ACAD10: variants seen among roughly 807,000 people sequenced by gnomAD.
ACAD10 encodes acyl-CoA dehydrogenase family member 10, also known as ACAD-10.
In ACAD10, 112 loss-of-function variants were observed where a neutral mutation model predicts 116.8. That is an observed-to-expected ratio of 0.96 (90% CI 0.82 to 1.12). The LOEUF is 1.12. Ranked by LOEUF, ACAD10 falls within the 50% of genes most tolerant of loss-of-function variation. The probability of loss-of-function intolerance (pLI) is 0.00; values close to 1 mark genes in which losing one functional copy is unlikely to be tolerated. For synonymous variants in ACAD10, 486 were observed against 510.6 expected, an observed-to-expected ratio of 0.95 and a Z score of 0.65; for missense variants, 1,259 against 1,350.2, an observed-to-expected ratio of 0.93 and a Z score of 1.06.
chr12:111,701,044 C>G (rs1888335431), intron 2 of ACAD10, among the ~76,000 whole-genome samples: 1 of 152,028 alleles, frequency 6.6e-6, no homozygotes, highest in South Asian at 2.1e-4. Flanking sequence ...TAGGTGTGAG[C>G]TACTGCACCC....
intron 4 of ACAD10, among the ~76,000 whole-genome samples, chr12:111,708,014 C>T (rs1159447306): frequency 2.0e-5 from 3 of 152,216 alleles, no homozygotes; most frequent in Non-Finnish European, 4.4e-5. Flanking sequence ...ATGCTTTTCT[C>T]TTATCAGACA....
chr12:111,736,184 TG>T (rs1438839873), intron 11 of ACAD10, among the ~76,000 whole-genome samples: 13 of 134,698 alleles, frequency 9.7e-5, no homozygotes, highest in East Asian at 2.3e-4. Context: ...CCCAGCCAAT[TG>T]TTTTTTTTTT....
At chr12:111,739,497 C>T (rs994489508) in intron 12 of ACAD10, among the ~76,000 whole-genome samples, 2 of 152,240 alleles carry the variant, frequency 1.3e-5, no homozygotes, top group Admixed American at 1.3e-4. Flanking sequence ...TGGCTCACGC[C>T]TGTAATCCCA....
chr12:111,728,061 A>G lies in ACAD10; in HGVS notation c.1161A>G (p.Ile387Met), dbSNP rs1390949406. The G allele has an allele frequency of 1.9e-6, 3 of 1,614,154 alleles. No individual in the cohort carries two copies. ...TGGAGCCCAGCCACAGACGAGCCAT[A>G]TACACTGCCATGAACACAGTCCTGT... ...PGLEPSHRRA[I>M]YTAMNTVLCK... Residue 387 changes from isoleucine (I) to methionine (M), a missense_variant, in exon 9 of 21, where the codon ATA (isoleucine) becomes ATG (methionine). Coordinates refer to ENST00000313698, the MANE Select transcript of ACAD10 (RefSeq NM_025247.6).
In ACAD10 at chr12:111,734,009, C is replaced by A. The variant is rs1320394491; in HGVS notation, c.1481C>A (p.Ala494Asp). Residue 494 changes from alanine to aspartate, a missense_variant, in exon 11 of 21, where the codon GCT becomes GAT. Ala to Asp is a moderately radical substitution (Grantham distance 126, BLOSUM62 -2). Transcript: ENST00000313698. ...CTTTCTACCTTGGGCGACCCCCTTG[C>A]TGATGTGGCCTACAGCTGCCTGGCT... ...WELSTLGDPL[A>D]DVAYSCLAHY... 1.2e-6 allele frequency: 2 copies of A among 1,614,230 alleles called. No homozygotes were observed. Among genetic ancestry groups the A allele is most frequent in the Non-Finnish European group, 8.5e-7 (1 of 1,180,044 alleles).
intron 7 of ACAD10, among the ~76,000 whole-genome samples, chr12:111,718,998 T>A (rs7969271): frequency 0.1 from 15,125 of 151,636 alleles, 893 homozygotes; most frequent in South Asian, 0.28. Flanking sequence ...CCAGCCAATC[T>A]CGAGGCTGAG....
intron 1 of ACAD10, chr12:111,690,471 G>C (rs1888006384): frequency 6.6e-6 from 1 of 151,930 alleles, no homozygotes; most frequent in South Asian, 2.1e-4. Flanking sequence ...ATTTGGATTA[G>C]GGATGCTCAA....
At chr12:111,744,423 C>T (rs892657422) in intron 12 of ACAD10, 1 of 592,506 alleles carries the variant, frequency 1.7e-6, no homozygotes, top group Non-Finnish European at 2.9e-6. Flanking sequence ...AAGTCACCTC[C>T]TTCTCTAAGA....
At chr12:111,712,470 T>C in intron 5 of ACAD10, 28 bp from the exon 6 acceptor site, 2 of 1,584,840 alleles carry the variant, frequency 1.3e-6, no homozygotes, top group Non-Finnish European at 1.7e-6. Context: ...ACAAAAAATA[T>C]ACATCTACAT....
chr12:111,701,717 CATTTCAG>C (rs1888354673), intron 2 of ACAD10, among the ~76,000 whole-genome samples: 1 of 152,154 alleles, frequency 6.6e-6, no homozygotes, highest in Non-Finnish European at 1.5e-5. Flanking sequence ...TTCAGGCGAA[CATTTCAG>C]TGTACTCACT....
At chr12:111,731,059 G>C (rs534343111) in intron 10 of ACAD10, among the ~76,000 whole-genome samples, 2 of 152,326 alleles carry the variant, frequency 1.3e-5, no homozygotes, top group South Asian at 4.2e-4. Flanking sequence ...CCAGAGTGCT[G>C]GGATTATAGG....
rs59844708 is a variant in ACAD10 at position 111,729,795 on chromosome 12, A to G, written c.1244-11A>G. On this transcript the variant is annotated splice_polypyrimidine_tract_variant and intron_variant, in intron 9 of 20. Coordinates refer to ENST00000313698, the MANE Select transcript of ACAD10 (RefSeq NM_025247.6). ...AAATTGCACACCAAGTTCTAATCCT[A>G]TTTCCCGCAGGGGACTATATTCCAC... 3.1e-3 allele frequency: 4,997 copies of G among 1,609,118 alleles called. 128 individuals are homozygous for G. The African/African-American group carries it at 0.054, about 17-fold the overall frequency.
At chr12:111,689,434 C>A (rs1887975517) in intron 1 of ACAD10, among the ~76,000 whole-genome samples, 1 of 151,438 alleles carries the variant, frequency 6.6e-6, no homozygotes, top group African/African-American at 2.4e-5. Context: ...TGCAGTGGTG[C>A]AATCTTGGTT....
rs1425546914 is a variant in ACAD10 at position 111,740,459 on chromosome 12, TC to T, written c.1714+3456del. ...CTGGGTGACAGAGCAAGACTCCATC[TC>T]AAAAAAAAAAAAAAAAAGGCCAGGT... On this transcript the variant is annotated intron_variant, in intron 12 of 20. Coordinates refer to ENST00000313698, the MANE Select transcript of ACAD10 (RefSeq NM_025247.6). 7.6e-3 allele frequency among the ~76,000 whole-genome samples: 741 copies of T among 97,850 alleles called. 10 individuals are homozygous for T. Among genetic ancestry groups the T allele is most frequent in the African/African-American group, 0.029 (698 of 23,904 alleles). The allele number at this position is 97,850 out of a possible 152,430, so 64.2% of individuals were successfully genotyped here. A position where few individuals can be genotyped will look rare whatever the true frequency, so the allele number is the denominator to read the frequency against.
chr12:111,755,082 G>T (rs1031849873), intron 19 of ACAD10, among the ~76,000 whole-genome samples: 2 of 151,998 alleles, frequency 1.3e-5, no homozygotes, highest in Admixed American at 1.3e-4. Flanking sequence ...TTCTGCCTTC[G>T]GGTCTTTTTT....
chr12:111,707,250 G>A (rs777473182), intron 4 of ACAD10, among the ~76,000 whole-genome samples: 1 of 151,430 alleles, frequency 6.6e-6, no homozygotes, highest in South Asian at 2.1e-4. Flanking sequence ...CACCACGCCT[G>A]GCTAGTTTTT....
At chr12:111,750,246 C>G (rs867554886) in intron 18 of ACAD10, among the ~76,000 whole-genome samples, 1 of 151,742 alleles carries the variant, frequency 6.6e-6, no homozygotes, top group South Asian at 2.1e-4. Flanking sequence ...CACCCGCCAC[C>G]ATGCCTGGCT....
intron 6 of ACAD10, among the ~76,000 whole-genome samples, chr12:111,714,533 C>T (rs1170834727): frequency 2.0e-5 from 3 of 151,546 alleles, no homozygotes; most frequent in Admixed American, 6.6e-5. Context: ...AGTGTGGTGG[C>T]GCATGCCTGT....
chr12:111,686,067 C>G lies in ACAD10; in HGVS notation c.-186C>G. ...AGGGGTCACCCACTGCTCTTCCGGA[C>G]GCAATTTTGAGGAGGTCGGAGCGGA... is the stretch of plus-strand genomic sequence containing the variant. On this transcript the variant is annotated 5_prime_UTR_variant, in exon 1 of 21. Coordinates refer to ENST00000313698, the MANE Select transcript of ACAD10 (RefSeq NM_025247.6). The G allele has an allele frequency of 8.5e-6, 2 of 235,196 alleles. No homozygotes were observed. The highest frequency in any genetic ancestry group is 8.3e-6 in the Non-Finnish European group (1 of 121,200). 14.6% of individuals were successfully genotyped at this position (235,196 alleles called of 1,614,324 possible). A position where few individuals can be genotyped will look rare whatever the true frequency, so the allele number is the denominator to read the frequency against.
Sources: allele counts gnomAD v4.1 joint callset (sites outside exome capture counted in the v4.1 genomes callset), GRCh38; gene constraint gnomAD v4.1.1; transcripts MANE v1.5; gene names NCBI Gene and HGNC (gene_info 2026-07-23, HGNC 2026-07-21).